Variants in HDAC8 observed in about 807,000 individuals in gnomAD.
HDAC8 encodes the protein histone deacetylase-like 1.
In HDAC8, 1 loss-of-function variant was observed where a neutral mutation model predicts 32.2. That is an observed-to-expected ratio of 0.03 (90% CI 0.01 to 0.15). The LOEUF (loss-of-function observed/expected upper bound fraction) is 0.15. HDAC8 is among the 10% of genes least tolerant of loss of function. The pLI is 1.00. For synonymous variants in HDAC8, 108 were observed against 113.9 expected (o/e 0.95, Z 0.33); for missense variants, 117 against 300.0 (o/e 0.39, Z 4.51).
At chrX:72,503,073 A>T (rs979947790) in intron 4 of HDAC8, among the ~76,000 whole-genome samples, 2 of 112,295 alleles carry the variant, frequency 1.8e-5, no homozygotes, top group Non-Finnish European at 3.8e-5. Flanking sequence ...TCCCTTTTGA[A>T]AATGATCAGC....
At chrX:72,330,661 A>T (rs2043492661) in intron 10 of HDAC8, among the ~76,000 whole-genome samples, 1 of 110,889 alleles carries the variant, frequency 9.0e-6, no homozygotes, top group South Asian at 3.8e-4. Flanking sequence ...ATCCTACCGG[A>T]CTGGGCTCTA....
At chrX:72,536,524 C>T (rs1316006467) in intron 4 of HDAC8, among the ~76,000 whole-genome samples, 2 of 112,530 alleles carry the variant, frequency 1.8e-5, no homozygotes, top group East Asian at 5.5e-4. Flanking sequence ...TGATTTAATA[C>T]ATATAGCTAA....
At chrX:72,344,039 A>G (rs1256163170) in intron 10 of HDAC8, among the ~76,000 whole-genome samples, 3 of 111,926 alleles carry the variant, frequency 2.7e-5, no homozygotes, top group African/African-American at 9.7e-5. Context: ...ATTTTTGGCC[A>G]GAGTGGTATC....
At chrX:72,486,685 A>G (rs1347952038) in intron 7 of HDAC8, among the ~76,000 whole-genome samples, 1 of 111,643 alleles carries the variant, frequency 9.0e-6, no homozygotes, top group Non-Finnish European at 1.9e-5. Context: ...CACAACCCCA[A>G]AAAAGAAAGG....
intron 4 of HDAC8, among the ~76,000 whole-genome samples, chrX:72,541,648 C>T (rs1603209506): frequency 1.8e-5 from 2 of 111,996 alleles, no homozygotes; most frequent in African/African-American, 6.5e-5. Flanking sequence ...ATGGTTTGTA[C>T]TAGAGTTATA....
chrX:72,534,697 G>A (rs2147429042), intron 4 of HDAC8, among the ~76,000 whole-genome samples: 1 of 111,931 alleles, frequency 8.9e-6, no homozygotes, highest in Non-Finnish European at 1.9e-5. Flanking sequence ...TAAATAAATG[G>A]AAAGAAGTTA....
At chrX:72,490,798 A>G (rs1721296328) in intron 6 of HDAC8, 131 bp downstream of exon 6, 1 of 270,239 alleles carries the variant, frequency 3.7e-6, no homozygotes, top group African/African-American at 2.9e-5. Flanking sequence ...ATGAAAATGC[A>G]AAAAAAAAAA....
rs909643542 is a variant in HDAC8, at chrX:72,340,156, C to T, written c.1112-10080G>A. On this transcript the variant is annotated intron_variant, in intron 10 of 10. Transcript: ENST00000373573. ...CCTATGATTCATTTTTTCTCCCCTC[C>T]TGTGCCTAAATCTGCTGGCTTCATG... 1.1e-4 allele frequency among the ~76,000 whole-genome samples: 12 copies of T among 111,970 alleles called. No individual in the cohort carries two copies. The Admixed American group carries it at 1.1e-3, about 11-fold the overall frequency.
At chrX:72,523,181 A>G (rs782142243) in intron 4 of HDAC8, among the ~76,000 whole-genome samples, 1 of 112,187 alleles carries the variant, frequency 8.9e-6, no homozygotes, top group East Asian at 2.8e-4. Context: ...ACATATTGCT[A>G]AACTGTCCTC....
At chrX:72,358,829 A>T in intron 9 of HDAC8, among the ~76,000 whole-genome samples, 1 of 111,755 alleles carries the variant, frequency 8.9e-6, no homozygotes, top group Non-Finnish European at 1.9e-5. Context: ...ATCATTAGGC[A>T]TTAGTTAGAT....
chrX:72,331,614 T>C (rs1172032969), intron 10 of HDAC8, among the ~76,000 whole-genome samples: 1 of 108,107 alleles, frequency 9.3e-6, no homozygotes, highest in Non-Finnish European at 1.9e-5. Flanking sequence ...AAAATAATTA[T>C]AGAATAACAG....
intron 4 of HDAC8, among the ~76,000 whole-genome samples, chrX:72,559,886 C>T (rs1177598785): frequency 2.8e-5 from 3 of 108,690 alleles, no homozygotes; most frequent in African/African-American, 1.0e-4. Flanking sequence ...CCACCCCGTC[C>T]GGGAGGGAGG....
At chrX:72,459,470 C>T (rs149858930) in intron 9 of HDAC8, among the ~76,000 whole-genome samples, 291 of 110,573 alleles carry the variant, frequency 2.6e-3, no homozygotes, top group Non-Finnish European at 4.5e-3. Flanking sequence ...AGACTGAGAG[C>T]GAAGAGAGTG....
At chrX:72,427,104 G>A (rs782114917) in intron 9 of HDAC8, among the ~76,000 whole-genome samples, 3 of 110,618 alleles carry the variant, frequency 2.7e-5, no homozygotes, top group Non-Finnish European at 5.7e-5. Flanking sequence ...TGTTTTGGAA[G>A]CCTGAATAGA....
chrX:72,341,236 C>T (rs1476676244), intron 10 of HDAC8, among the ~76,000 whole-genome samples: 1 of 111,978 alleles, frequency 8.9e-6, no homozygotes, highest in Non-Finnish European at 1.9e-5. Flanking sequence ...GTGGTATACT[C>T]TTGACTGGCC....
intron 10 of HDAC8, among the ~76,000 whole-genome samples, chrX:72,331,243 C>T (rs1485322733): frequency 9.0e-6 from 1 of 111,225 alleles, no homozygotes; most frequent in African/African-American, 3.3e-5. Context: ...CCTTGCCTAT[C>T]TACTTTTATT....
intron 9 of HDAC8, among the ~76,000 whole-genome samples, chrX:72,456,993 G>A (rs2047738303): frequency 9.0e-6 from 1 of 110,962 alleles, no homozygotes; most frequent in South Asian, 3.8e-4. Context: ...AATGAATCCA[G>A]CAATACATAA....
chrX:72,356,095 T>A (rs782370237), intron 9 of HDAC8, among the ~76,000 whole-genome samples: 71 of 112,190 alleles, frequency 6.3e-4, no homozygotes, highest in Non-Finnish European at 1.1e-3. Context: ...CTACTATTGT[T>A]TCCATTTGAA....
chrX:72,395,306 T>C (rs945539839), intron 9 of HDAC8, among the ~76,000 whole-genome samples: 1 of 111,774 alleles, frequency 8.9e-6, no homozygotes, highest in Admixed American at 9.4e-5. Context: ...CAGCTTCCTA[T>C]TGGAAAATGC....
Sources: gnomAD v4.1 joint callset for allele counts (sites outside exome capture counted in the v4.1 genomes callset) on GRCh38, gnomAD v4.1.1 for gene constraint, MANE v1.5 for transcripts, NCBI Gene and HGNC (gene_info 2026-07-23, HGNC 2026-07-21) for gene names.